Variants in EMILIN2 observed in about 807,000 individuals in gnomAD.
The protein encoded by EMILIN2 is EMILIN-2.
Under a neutral mutation model 87.1 loss-of-function variants are expected in EMILIN2, and 71 were observed. The ratio of observed to expected loss-of-function variants is 0.82; its 90% CI spans 0.67 to 0.99. The LOEUF is 0.99. Among genes scored for constraint, EMILIN2 ranks in the 50% least tolerant of loss-of-function variants. EMILIN2 has a pLI of 0.00. For synonymous variants in EMILIN2, 581 were observed against 563.4 expected (o/e 1.03, Z -0.44); for missense variants, 1,407 against 1,371.8 (o/e 1.03, Z -0.40).
At position 2,891,188 on chromosome 18, in the gene EMILIN2, A is replaced by G. The variant is rs1206694082; in HGVS notation, c.1061A>G (p.Gln354Arg). ...TACAAGCTCACTGGCCTCCAGCAGC[A>G]GTGTGATGACTATGGGAGCAGCTAC... is the stretch of plus-strand genomic sequence containing the variant. ...CEYKLTGLQQ[Q>R]CDDYGSSYLG... Residue 354 changes from glutamine (Q) to arginine (R), a missense_variant, in exon 4 of 8, where the codon CAG becomes CGG. Transcript: ENST00000254528. This position sits in a 1 kb window ranked among gnomAD's most constrained non-coding sequence, Gnocchi z 4.6. 1 of 1,614,248 alleles carries G rather than the reference A, an allele frequency of 6.2e-7. No individual in the cohort carries two copies. The highest frequency in any genetic ancestry group is 2.2e-5 in the East Asian group (1 of 44,888).
At chr18:2,876,149 T>C (rs752006512) in intron 2 of EMILIN2, among the ~76,000 whole-genome samples, 4 of 151,674 alleles carry the variant, frequency 2.6e-5, no homozygotes, top group African/African-American at 4.8e-5. Context: ...ACCCAGCTAA[T>C]TTTTTGTATT....
At chr18:2,872,737 A>T (rs552305135) in intron 2 of EMILIN2, among the ~76,000 whole-genome samples, 1 of 152,342 alleles carries the variant, frequency 6.6e-6, no homozygotes, top group Admixed American at 6.5e-5. Flanking sequence ...GGTTCATGTC[A>T]CGCCACTATA....
intron 2 of EMILIN2, among the ~76,000 whole-genome samples, chr18:2,868,754 C>T (rs550868582): frequency 8.5e-5 from 13 of 152,220 alleles, no homozygotes; most frequent in African/African-American, 2.2e-4. Flanking sequence ...CAGCACAGTC[C>T]AGCTTCGGCT....
chr18:2,853,818 T>G (rs79706516), intron 2 of EMILIN2, among the ~76,000 whole-genome samples: 4,313 of 152,288 alleles, frequency 0.028, 209 homozygotes, highest in African/African-American at 0.098. Flanking sequence ...AGCCTCCCTG[T>G]CAGGGTGGAA....
chr18:2,901,245 G>A (rs184043384), intron 4 of EMILIN2, among the ~76,000 whole-genome samples: 58 of 152,334 alleles, frequency 3.8e-4, no homozygotes, highest in Non-Finnish European at 7.6e-4. Context: ...TAGTTGCCAA[G>A]AACAGGGCCA....
intron 2 of EMILIN2, among the ~76,000 whole-genome samples, chr18:2,852,222 A>G (rs1394230914): frequency 6.6e-6 from 1 of 152,206 alleles, no homozygotes; most frequent in Admixed American, 6.5e-5. Flanking sequence ...TCATTTGCCT[A>G]TGACGCATGA....
chr18:2,890,429 T>C lies in EMILIN2; in HGVS notation c.434-132T>C. Reference sequence around the variant, plus strand: ...ACTCTTTTCTACTGTACCACAGTACTTACCTACAATTGTGTAGTGACCTGT... The same window carrying C: ...ACTCTTTTCTACTGTACCACAGTACCTACCTACAATTGTGTAGTGACCTGT... On this transcript the variant is annotated intron_variant, in intron 3 of 7. Coordinates refer to ENST00000254528, the MANE Select transcript of EMILIN2 (RefSeq NM_032048.3). The surrounding 1 kb of genome is among the most constrained non-coding windows in gnomAD (Gnocchi z 4.7). 1 of 1,076,684 alleles carries C rather than the reference T, an allele frequency of 9.3e-7. No homozygotes were observed. Among genetic ancestry groups the C allele is most frequent in the Non-Finnish European group, 1.3e-6 (1 of 758,854 alleles). The allele number at this position is 1,076,684 out of a possible 1,614,324, so 66.7% of individuals were successfully genotyped here.
intron 2 of EMILIN2, among the ~76,000 whole-genome samples, chr18:2,870,114 G>A (rs1298052061): frequency 2.0e-5 from 3 of 152,066 alleles, no homozygotes; most frequent in African/African-American, 4.8e-5. Context: ...GGTGGTGCAC[G>A]CCTGTGGTCC....
At chr18:2,851,988 C>T (rs1336019501) in intron 2 of EMILIN2, among the ~76,000 whole-genome samples, 3 of 152,190 alleles carry the variant, frequency 2.0e-5, no homozygotes, top group South Asian at 4.1e-4. Context: ...TAATCCAGGG[C>T]TTTGCGGACT....
chr18:2,891,427 T>C lies in EMILIN2; in HGVS notation c.1300T>C (p.Phe434Leu), dbSNP rs751032887. ...RMLNGRLDNE[F>L]DRLIVPEPDV... is the part of the protein sequence containing the mutation. ...GCTGAATGGAAGACTGGACAATGAG[T>C]TTGACCGCCTTATAGTTCCAGAGCC... The change falls in exon 4 of 8, where the codon TTT becomes CTT. Residue 434 changes from phenylalanine to leucine, a missense_variant. Phe to Leu is a conservative substitution (Grantham distance 22). Transcript: ENST00000254528. This position sits in a 1 kb window ranked among gnomAD's most constrained non-coding sequence, Gnocchi z 4.6. 1.7e-5 allele frequency: 27 copies of C among 1,613,982 alleles called. No individual in the cohort carries two copies. The highest frequency in any genetic ancestry group is 2.2e-5 in the Non-Finnish European group (26 of 1,180,018).
intron 2 of EMILIN2, among the ~76,000 whole-genome samples, chr18:2,876,969 C>A (rs1168847700): frequency 1.3e-5 from 2 of 152,106 alleles, no homozygotes; most frequent in Non-Finnish European, 2.9e-5. Flanking sequence ...TTAATTTCTC[C>A]ATGTAGAGAT....
chr18:2,896,166 GAATA>G (rs757446441), intron 4 of EMILIN2, among the ~76,000 whole-genome samples: 12 of 151,922 alleles, frequency 7.9e-5, no homozygotes, highest in African/African-American at 2.2e-4. Flanking sequence ...TATATATAAT[GAATA>G]AATAAATATA....
chr18:2,897,394 T>A lies in EMILIN2; in HGVS notation c.2359+4908T>A, dbSNP rs114804160. On this transcript the variant is annotated intron_variant, in intron 4 of 7. Coordinates refer to ENST00000254528, the MANE Select transcript of EMILIN2 (RefSeq NM_032048.3). ...ATGACTGAACTTTTCTCCCTTTCTC[T>A]ACCTATAAACCCCCAGGCCTCCAGC... 3.9e-3 allele frequency among the ~76,000 whole-genome samples: 599 copies of A among 152,320 alleles called. 3 individuals carry two copies. The highest frequency in any genetic ancestry group is 0.014 in the African/African-American group (567 of 41,584).
At chr18:2,858,569 A>ATATATGTG (rs1305555851) in intron 2 of EMILIN2, among the ~76,000 whole-genome samples, 20 of 55,358 alleles carry the variant, frequency 3.6e-4, no homozygotes, top group African/African-American at 1.8e-3. Flanking sequence ...ATATATATAT[A>ATATATGTG]TGTGTGTGTG....
intron 4 of EMILIN2, among the ~76,000 whole-genome samples, chr18:2,899,309 A>G (rs1598503016): frequency 6.6e-6 from 1 of 152,228 alleles, no homozygotes; most frequent in Non-Finnish European, 1.5e-5. Flanking sequence ...CACAGAATGA[A>G]CCACTGACTG....
intron 2 of EMILIN2, among the ~76,000 whole-genome samples, chr18:2,873,623 C>A (rs182373184): frequency 6.6e-6 from 1 of 151,782 alleles, no homozygotes; most frequent in South Asian, 2.1e-4. Context: ...AGGAGAATGG[C>A]GTGAACCCGG....
intron 7 of EMILIN2, 100 bp from the exon 8 acceptor site, chr18:2,912,967 G>C: frequency 1.6e-6 from 2 of 1,238,232 alleles, no homozygotes; most frequent in East Asian, 2.4e-5. Context: ...AGAGATGGCT[G>C]GTCTCCCAGG....
At chr18:2,866,205 C>T (rs1272194936) in intron 2 of EMILIN2, among the ~76,000 whole-genome samples, 6 of 152,336 alleles carry the variant, frequency 3.9e-5, no homozygotes, top group Non-Finnish European at 7.4e-5. Context: ...GAGTGTGCTG[C>T]ACCCACTGTC....
At chr18:2,859,669 C>T (rs536969585) in intron 2 of EMILIN2, among the ~76,000 whole-genome samples, 1 of 152,280 alleles carries the variant, frequency 6.6e-6, no homozygotes, top group Admixed American at 6.5e-5. Flanking sequence ...AAGGGCTTTT[C>T]CAATGTTATC....
Sources: gnomAD v4.1 joint callset for allele counts (sites outside exome capture counted in the v4.1 genomes callset) on GRCh38, gnomAD v4.1.1 for gene constraint, Gnocchi (gnomAD v3.1) non-coding constraint, MANE v1.5 for transcripts, NCBI Gene and HGNC (gene_info 2026-07-23, HGNC 2026-07-21) for gene names.